Variants in IL1RAPL1 observed in about 807,000 individuals in gnomAD.
The protein encoded by IL1RAPL1 is interleukin 1 receptor accessory protein like 1.
In IL1RAPL1, 3 loss-of-function variants were observed where a neutral mutation model predicts 48.4. That is an observed-to-expected ratio of 0.06 (90% confidence interval 0.03 to 0.16). The LOEUF is 0.16. Ranked by LOEUF, IL1RAPL1 falls within the 10% of genes least tolerant of loss-of-function variation. The probability of loss-of-function intolerance (pLI) is 1.00; values close to 1 mark genes in which losing one functional copy is unlikely to be tolerated. For missense variants in IL1RAPL1, 349 were observed against 530.6 expected, an observed-to-expected ratio of 0.66 and a Z score of 3.36; for synonymous variants, 185 against 187.7, an observed-to-expected ratio of 0.99 and a Z score of 0.12.
At chrX:29,567,876 T>G (rs1922460388) in intron 5 of IL1RAPL1, among the ~76,000 whole-genome samples, 2 of 111,083 alleles carry the variant, frequency 1.8e-5, no homozygotes, top group Admixed American at 1.9e-4. Context: ...GGGAGACTTG[T>G]GGAGGTTTCA....
intron 2 of IL1RAPL1, among the ~76,000 whole-genome samples, chrX:29,008,821 C>G (rs1418199310): frequency 9.1e-6 from 1 of 110,424 alleles, no homozygotes; most frequent in African/African-American, 3.3e-5. Context: ...TACTTCCCTT[C>G]CTCCCTCCCC....
intron 2 of IL1RAPL1, among the ~76,000 whole-genome samples, chrX:28,932,156 T>TA (rs1923901283): frequency 9.0e-6 from 1 of 111,727 alleles, no homozygotes; most frequent in Non-Finnish European, 1.9e-5. Context: ...CATTTCTCCT[T>TA]AAATTTTATA....
chrX:29,484,509 A>T (rs192562590), intron 5 of IL1RAPL1, among the ~76,000 whole-genome samples: 1 of 112,296 alleles, frequency 8.9e-6, no homozygotes, highest in East Asian at 2.8e-4. Flanking sequence ...AGCAAAAAAT[A>T]CTATATTAGA....
intron 5 of IL1RAPL1, among the ~76,000 whole-genome samples, chrX:29,632,827 T>G (rs1439467820): frequency 8.9e-6 from 1 of 111,982 alleles, no homozygotes; most frequent in Non-Finnish European, 1.9e-5. Context: ...TGATTTTATG[T>G]CTGTCAATCC....
chrX:29,710,255 G>A (rs1927302107), intron 6 of IL1RAPL1, among the ~76,000 whole-genome samples: 1 of 110,638 alleles, frequency 9.0e-6, no homozygotes, highest in African/African-American at 3.3e-5. Context: ...TTGAGAATAA[G>A]CTTTCAATTT....
At chrX:28,840,053 T>C (rs1921330000) in intron 2 of IL1RAPL1, among the ~76,000 whole-genome samples, 2 of 110,852 alleles carry the variant, frequency 1.8e-5, no homozygotes, top group Admixed American at 9.6e-5. Context: ...CAAAACGATA[T>C]TGGACATTGG....
chrX:29,914,706 AAAAC>A (rs1356123892), intron 6 of IL1RAPL1, among the ~76,000 whole-genome samples: 1 of 111,764 alleles, frequency 8.9e-6, no homozygotes, highest in Non-Finnish European at 1.9e-5. Flanking sequence ...AACAAAAACA[AAAAC>A]AAAAACAGTG....
chrX:29,085,689 A>G (rs113201176), intron 2 of IL1RAPL1, among the ~76,000 whole-genome samples: 17 of 111,852 alleles, frequency 1.5e-4, no homozygotes, highest in African/African-American at 5.5e-4. Context: ...AAATGTGTAT[A>G]AAATAGGGCA....
chrX:29,675,822 C>T (rs754616898), intron 6 of IL1RAPL1, among the ~76,000 whole-genome samples: 1 of 112,118 alleles, frequency 8.9e-6, no homozygotes, highest in South Asian at 3.8e-4. Context: ...AACTCCTGAT[C>T]TCGTGATCTA....
chrX:29,693,169 G>A (rs191965276), intron 6 of IL1RAPL1, among the ~76,000 whole-genome samples: 67 of 112,046 alleles, frequency 6.0e-4, no homozygotes, highest in Non-Finnish European at 1.1e-3. Flanking sequence ...ACATTTGACA[G>A]ACCCTCTTAT....
intron 1 of IL1RAPL1, among the ~76,000 whole-genome samples, chrX:28,777,823 G>T (rs1308382036): frequency 9.0e-6 from 1 of 111,203 alleles, no homozygotes; most frequent in Non-Finnish European, 1.9e-5. Flanking sequence ...GGTGCTACTG[G>T]TATCTAGTGA....
chrX:28,651,605 C>A (rs1022457479), intron 1 of IL1RAPL1, among the ~76,000 whole-genome samples: 2 of 112,134 alleles, frequency 1.8e-5, no homozygotes, highest in African/African-American at 6.5e-5. Context: ...TTGAATCAAG[C>A]CAGGACTCTT....
In IL1RAPL1 at chrX:28,681,023, G is replaced by A. The variant is rs2146919770; in HGVS notation, c.-25+92976G>A. 1.8e-5 allele frequency among the ~76,000 whole-genome samples: 2 copies of A among 111,594 alleles called. 1 individual carries two copies. The highest frequency in any genetic ancestry group is 7.5e-4 in the South Asian group (2 of 2,675). On this transcript the variant is annotated intron_variant, in intron 1 of 10. Transcript: ENST00000378993. ...TTTGAATGTTTGGTAGAATTCACCT[G>A]TGAAGGCATCTGCTTCTGGGCTTTT...
chrX:28,989,636 C>T (rs1925554660), intron 2 of IL1RAPL1, among the ~76,000 whole-genome samples: 1 of 112,054 alleles, frequency 8.9e-6, no homozygotes, highest in South Asian at 3.6e-4. Flanking sequence ...TTGTGTCAAA[C>T]AATTATATAG....
chrX:28,592,179 A>G (rs1334838234), intron 1 of IL1RAPL1, among the ~76,000 whole-genome samples: 3 of 112,087 alleles, frequency 2.7e-5, no homozygotes, highest in Admixed American at 1.9e-4. Flanking sequence ...TTAAAAAAAT[A>G]GTTGCTTTTG....
Position 29,283,025 on chromosome X carries a change from A to G in IL1RAPL1, c.170A>G (p.Tyr57Cys). Residue 57 changes from tyrosine (Y) to cysteine (C), a missense_variant, in exon 3 of 11, where the codon TAT (tyrosine) becomes TGT (cysteine). Coordinates refer to ENST00000378993, the MANE Select transcript of IL1RAPL1 (RefSeq NM_014271.4). Reference protein sequence around the residue: ...EPVRIKCALFYGYIRTNYSLA... With the variant: ...EPVRIKCALFCGYIRTNYSLA... ...GTTCGAATCAAATGTGCACTCTTTT[A>G]TGGTTATATCAGAACAAATTACTCC... 1 of 1,211,069 alleles carries G rather than the reference A, an allele frequency of 8.3e-7. No individual in the cohort carries two copies. Among genetic ancestry groups the G allele is most frequent in the South Asian group, 1.8e-5 (1 of 56,999 alleles).
intron 2 of IL1RAPL1, among the ~76,000 whole-genome samples, chrX:29,128,477 C>T (rs1928946613): frequency 9.0e-6 from 1 of 111,652 alleles, no homozygotes; most frequent in Non-Finnish European, 1.9e-5. Flanking sequence ...CCTCCCCAAG[C>T]ACCTTCTGTC....
rs760237537 is a variant in IL1RAPL1 at position 29,773,757 on chromosome X, A to ATG, written c.778+105269_778+105270dup. On this transcript the variant is annotated intron_variant, in intron 6 of 10. Transcript: ENST00000378993. The stretch of plus-strand genomic sequence containing the variant: ...CTGTAAATGTGTTGGGTGGGTGTGT[A>ATG]TGTGTGTGTGTGTGTGTTCATGTGC... 2.3e-3 allele frequency among the ~76,000 whole-genome samples: 249 copies of ATG among 110,331 alleles called. 1 individual carries two copies. The highest frequency in any genetic ancestry group is 7.2e-3 in the African/African-American group (220 of 30,468).
At chrX:28,657,644 C>T (rs766475786) in intron 1 of IL1RAPL1, among the ~76,000 whole-genome samples, 76 of 112,250 alleles carry the variant, frequency 6.8e-4, no homozygotes, top group African/African-American at 2.3e-3. Flanking sequence ...GCTGTCTGAC[C>T]CCAGTAGGGG....
Sources: gnomAD v4.1 joint callset for allele counts (sites outside exome capture counted in the v4.1 genomes callset) on GRCh38, gnomAD v4.1.1 for gene constraint, MANE v1.5 for transcripts, NCBI Gene and HGNC (gene_info 2026-07-23, HGNC 2026-07-21) for gene names.